The following DAB1 variants were observed in gnomAD, a reference collection of about 807,000 sequenced individuals.
DAB1 encodes the protein DAB adaptor protein 1.
DAB1 carries 15 observed loss-of-function variants against 64.6 expected under a neutral mutation model. The ratio of observed to expected loss-of-function variants is 0.23; its 90% CI spans 0.16 to 0.36. DAB1 has a LOEUF of 0.36. Among genes scored for constraint, DAB1 ranks in the 10% least tolerant of loss-of-function variants. The pLI, the probability that DAB1 is intolerant of heterozygous loss-of-function variation, is 1.00. For synonymous variants in DAB1, 235 were observed against 251.9 expected (o/e 0.93, Z 0.64); for missense variants, 596 against 706.7 (o/e 0.84, Z 1.78).
chr1:57,553,357 A>C (rs1161446815), intron 7 of DAB1, among the ~76,000 whole-genome samples: 2 of 140,692 alleles, frequency 1.4e-5, no homozygotes, highest in African/African-American at 2.7e-5. Flanking sequence ...GAGAGAGAGA[A>C]AGAAAGAGAA....
intron 5 of DAB1, among the ~76,000 whole-genome samples, chr1:57,955,556 C>T (rs565996565): frequency 3.3e-5 from 5 of 152,114 alleles, no homozygotes; most frequent in East Asian, 1.9e-4. Context: ...CTTTCAGTCA[C>T]GATGCACAAG....
At chr1:58,478,929 A>G (rs1645445865) in intron 3 of DAB1, among the ~76,000 whole-genome samples, 2 of 152,184 alleles carry the variant, frequency 1.3e-5, no homozygotes, top group Admixed American at 6.6e-5. Flanking sequence ...ATAAAATTTA[A>G]AGTATATATA....
rs527785979 is a variant in DAB1, at chr1:57,737,020, G to T, written n.552-87355C>A. 1.4e-3 allele frequency among the ~76,000 whole-genome samples: 216 copies of T among 152,300 alleles called. 1 individual carries two copies. Among genetic ancestry groups the T allele is most frequent in the African/African-American group, 5.0e-3 (207 of 41,564 alleles). ...CCTGTCCACCTTTAAGCCTGAGGAAGGAAATGGGAGGCGGGTTTTCCGAGC... is the reference window on the plus strand; with the variant it reads ...CCTGTCCACCTTTAAGCCTGAGGAATGAAATGGGAGGCGGGTTTTCCGAGC... On this transcript the variant is annotated intron_variant and non_coding_transcript_variant, in intron 6 of 20. Coordinates refer to the DAB1 transcript ENST00000485760.
chr1:58,061,153 C>T (rs1648477961), intron 5 of DAB1, among the ~76,000 whole-genome samples: 1 of 152,198 alleles, frequency 6.6e-6, no homozygotes, highest in African/African-American at 2.4e-5. Context: ...CTCAGAGTAT[C>T]AGAGAATATG....
intron 4 of DAB1, among the ~76,000 whole-genome samples, chr1:57,116,480 A>AAAAAAAAAG (rs1553144211): frequency 1.4e-4 from 19 of 131,310 alleles, no homozygotes; most frequent in East Asian, 5.7e-4. Flanking sequence ...AAAAAAAAAA[A>AAAAAAAAAG]AAAGAAAGAA....
intron 6 of DAB1, among the ~76,000 whole-genome samples, chr1:57,659,306 A>G (rs1646356627): frequency 6.6e-6 from 1 of 152,260 alleles, no homozygotes; most frequent in Non-Finnish European, 1.5e-5. Flanking sequence ...GAGATCAAAT[A>G]CATAAATAAA....
intron 3 of DAB1, among the ~76,000 whole-genome samples, chr1:58,442,634 A>C (rs933955453): frequency 6.6e-6 from 1 of 152,230 alleles, no homozygotes; most frequent in African/African-American, 2.4e-5. Flanking sequence ...AAGCTCAGAA[A>C]AACCTGAGTT....
intron 4 of DAB1, among the ~76,000 whole-genome samples, chr1:58,183,554 A>G (rs1656910323): frequency 6.6e-6 from 1 of 152,018 alleles, no homozygotes; most frequent in African/African-American, 2.4e-5. Context: ...TTTGCCTTAC[A>G]GATTGCTACT....
intron 4 of DAB1, among the ~76,000 whole-genome samples, chr1:58,175,127 A>G (rs1341229425): frequency 6.6e-6 from 1 of 151,814 alleles, no homozygotes. Flanking sequence ...GCTGCTGCTC[A>G]CTCTTTGGGT....
chr1:57,815,725 C>A (rs540133210), intron 6 of DAB1, among the ~76,000 whole-genome samples: 1 of 151,920 alleles, frequency 6.6e-6, no homozygotes, highest in Non-Finnish European at 1.5e-5. Flanking sequence ...GTTTCTTCAG[C>A]TGCCCCCATG....
intron 4 of DAB1, among the ~76,000 whole-genome samples, chr1:58,170,147 C>G: frequency 6.6e-6 from 1 of 152,216 alleles, no homozygotes; most frequent in Non-Finnish European, 1.5e-5. Context: ...AAATTCCCTA[C>G]TGGTCAGCAA....
At position 57,533,186 on chromosome 1, in the gene DAB1, G is replaced by C. The variant is rs2101422498; in HGVS notation, n.625+116406C>G. Reference sequence around the variant, plus strand: ...ATACCACCTGCCTCCCAAACATCTTGTCAATGTGAAACTGCCATCCTCTGT... The same window carrying C: ...ATACCACCTGCCTCCCAAACATCTTCTCAATGTGAAACTGCCATCCTCTGT... On this transcript the variant is annotated intron_variant and non_coding_transcript_variant, in intron 7 of 20. Transcript: ENST00000485760. Among the ~76,000 whole-genome samples the C allele has an allele frequency of 2.0e-5, 3 of 151,750 alleles. No homozygotes were observed. In the South Asian group the frequency reaches 6.3e-4, roughly 32 times the overall value.
At chr1:57,747,940 C>T (rs1221770005) in intron 6 of DAB1, among the ~76,000 whole-genome samples, 2 of 150,504 alleles carry the variant, frequency 1.3e-5, no homozygotes, top group Admixed American at 6.6e-5. Flanking sequence ...AGTTTAAAGA[C>T]TTGGAAAGTC....
At chr1:57,989,102 C>A (rs1016808368) in intron 5 of DAB1, among the ~76,000 whole-genome samples, 6 of 152,128 alleles carry the variant, frequency 3.9e-5, no homozygotes, top group Admixed American at 2.0e-4. Flanking sequence ...AGCTATGTGG[C>A]CTTGGACAAG....
At chr1:58,094,982 C>T (rs142952811) in intron 5 of DAB1, among the ~76,000 whole-genome samples, 22 of 152,268 alleles carry the variant, frequency 1.4e-4, no homozygotes, top group South Asian at 1.0e-3. Context: ...CTTAGAGAAG[C>T]ATTTTAGGTT....
chr1:57,361,599 C>T (rs1027126085), intron 1 of DAB1, among the ~76,000 whole-genome samples: 1 of 151,840 alleles, frequency 6.6e-6, no homozygotes, highest in Non-Finnish European at 1.5e-5. Flanking sequence ...TTTCCTTTGG[C>T]CACTGGAATA....
At chr1:57,991,512 A>G (rs1018867096) in intron 5 of DAB1, among the ~76,000 whole-genome samples, 3 of 152,026 alleles carry the variant, frequency 2.0e-5, no homozygotes, top group African/African-American at 7.3e-5. Flanking sequence ...TGACTGCCGA[A>G]GCACAGAAGC....
chr1:57,470,236 C>T (rs903998342), intron 7 of DAB1, among the ~76,000 whole-genome samples: 1 of 152,176 alleles, frequency 6.6e-6, no homozygotes, highest in Admixed American at 6.5e-5. Flanking sequence ...TCATGTTACT[C>T]TCATCAACAT....
chr1:57,129,471 T>C (rs1657457971), intron 4 of DAB1, among the ~76,000 whole-genome samples: 1 of 152,028 alleles, frequency 6.6e-6, no homozygotes. Context: ...GCCCTGAACA[T>C]TGAATATAAT....
Sources: gnomAD v4.1 joint callset for allele counts (sites outside exome capture counted in the v4.1 genomes callset) on GRCh38, gnomAD v4.1.1 for gene constraint, MANE v1.5 for transcripts, NCBI Gene and HGNC (gene_info 2026-07-23, HGNC 2026-07-21) for gene names.